The following CALN1 variants were observed in gnomAD, a reference collection of about 807,000 sequenced individuals.
The protein encoded by CALN1 is calcium-binding protein 8.
CALN1 carries 17 observed loss-of-function variants against 30.6 expected under a neutral mutation model. The observed-to-expected ratio is 0.56, with a 90% CI of 0.38 to 0.83. CALN1 has a LOEUF of 0.83. CALN1 is among the 40% of genes least tolerant of loss of function. CALN1 has a pLI of 0.00. For missense variants in CALN1, 291 were observed against 354.9 expected, an observed-to-expected ratio of 0.82 and a Z score of 1.45; for synonymous variants, 156 against 131.4, an observed-to-expected ratio of 1.19 and a Z score of -1.28.
At chr7:72,302,523 A>T (rs1799344385) in intron 2 of CALN1, among the ~76,000 whole-genome samples, 1 of 152,114 alleles carries the variant, frequency 6.6e-6, no homozygotes, top group Non-Finnish European at 1.5e-5. Context: ...GTGGTGGCTC[A>T]GGCCCATCAT....
rs180843351 is a variant in CALN1, at chr7:71,941,926, C to G, written c.501+81731G>C. On this transcript the variant is annotated intron_variant, in intron 5 of 6. Transcript: ENST00000395275. ...ATAAAAAAGTCAACTGGGCTGGGCC[C>G]GGTAGCTCACGCCTGTAATCCCAGC... Among the ~76,000 whole-genome samples, 140 of 152,136 alleles carry G rather than the reference C, an allele frequency of 9.2e-4. 1 individual carries two copies. The highest frequency in any genetic ancestry group is 1.6e-3 in the Admixed American group (25 of 15,280).
chr7:72,441,299 A>G (rs1450140604), intron 1 of CALN1, among the ~76,000 whole-genome samples: 1 of 151,978 alleles, frequency 6.6e-6, no homozygotes, highest in Non-Finnish European at 1.5e-5. Context: ...GAGTAAGTTA[A>G]AAATTGGGAG....
intron 5 of CALN1, among the ~76,000 whole-genome samples, chr7:71,933,619 G>A (rs1425771332): frequency 6.6e-6 from 1 of 152,158 alleles, no homozygotes; most frequent in Non-Finnish European, 1.5e-5. Context: ...TTTTGTGTGG[G>A]CAGGCACTTT....
intron 2 of CALN1, among the ~76,000 whole-genome samples, chr7:72,301,565 G>A (rs980409342): frequency 1.5e-5 from 2 of 136,270 alleles, no homozygotes; most frequent in East Asian, 2.2e-4. Context: ...CTGAGATCAC[G>A]CCACTGTACT....
chr7:71,870,592 C>G (rs1025468906), intron 5 of CALN1, among the ~76,000 whole-genome samples: 1 of 151,914 alleles, frequency 6.6e-6, no homozygotes, highest in African/African-American at 2.4e-5. Context: ...TTTTTCCCTC[C>G]TTCCAAATTT....
chr7:72,402,180 G>A (rs12699137), intron 2 of CALN1, among the ~76,000 whole-genome samples: 11,973 of 152,202 alleles, frequency 0.079, 657 homozygotes, highest in Non-Finnish European at 0.13. Flanking sequence ...GTAGGTAAGC[G>A]TTCTCTTGGC....
chr7:71,782,362 C>T lies in CALN1; in HGVS notation c.*5413G>A, dbSNP rs1792762983. Reference sequence around the variant, plus strand: ...CTCCTGTTCTTGCTGTGTGACGTGCCTGCTCCCCCTTCACCTTCCACCATG... The same window carrying T: ...CTCCTGTTCTTGCTGTGTGACGTGCTTGCTCCCCCTTCACCTTCCACCATG... On this transcript the variant is annotated 3_prime_UTR_variant, in exon 7 of 7. Transcript: ENST00000395275. The T allele has an allele frequency of 6.6e-6, 1 of 152,188 alleles. No individual in the cohort carries two copies. Among genetic ancestry groups the T allele is most frequent in the African/African-American group, 2.4e-5 (1 of 41,440 alleles). The allele number at this position is 152,188 out of a possible 1,614,324, so 9.4% of individuals were successfully genotyped here.
chr7:72,337,334 C>G (rs1388478051), intron 2 of CALN1: 2 of 966,444 alleles, frequency 2.1e-6, no homozygotes, highest in Admixed American at 6.2e-5. Context: ...GCCCCCACCC[C>G]CCAACCTCCG....
chr7:71,885,710 A>T (rs926734671), intron 5 of CALN1, among the ~76,000 whole-genome samples: 1 of 152,228 alleles, frequency 6.6e-6, no homozygotes, highest in Non-Finnish European at 1.5e-5. Flanking sequence ...GTTAGCACAT[A>T]AACTACAAAC....
chr7:72,074,938 G>C (rs1329559005), intron 4 of CALN1, among the ~76,000 whole-genome samples: 1 of 152,168 alleles, frequency 6.6e-6, no homozygotes, highest in Non-Finnish European at 1.5e-5. Context: ...ATAAACAGAA[G>C]TCAAAAACTT....
At chr7:72,258,897 T>TG (rs1554340985) in intron 3 of CALN1, among the ~76,000 whole-genome samples, 32 of 132,712 alleles carry the variant, frequency 2.4e-4, no homozygotes, top group African/African-American at 7.3e-4. Flanking sequence ...TACTAAAAAG[T>TG]AAAAAAAAAA....
intron 2 of CALN1, among the ~76,000 whole-genome samples, chr7:72,365,520 C>G (rs1204365003): frequency 6.6e-6 from 1 of 151,926 alleles, no homozygotes; most frequent in African/African-American, 2.4e-5. Flanking sequence ...GCCTCAACCT[C>G]CTGGGCCCAA....
intron 2 of CALN1, among the ~76,000 whole-genome samples, chr7:72,336,471 C>T (rs913753875): frequency 6.6e-6 from 1 of 151,874 alleles, no homozygotes; most frequent in East Asian, 2.0e-4. Flanking sequence ...CGGCCAGGAG[C>T]CAGCTCCACG....
At chr7:72,383,528 C>T (rs374642853) in intron 2 of CALN1, among the ~76,000 whole-genome samples, 51 of 152,234 alleles carry the variant, frequency 3.4e-4, no homozygotes, top group African/African-American at 1.1e-3. Flanking sequence ...TGTTTGTTGG[C>T]TGCCTGCATG....
chr7:72,361,538 C>T (rs1003695849), intron 2 of CALN1, among the ~76,000 whole-genome samples: 3 of 152,096 alleles, frequency 2.0e-5, no homozygotes, highest in African/African-American at 7.2e-5. Context: ...AAGAATTCAT[C>T]TTTAACTCCA....
At chr7:71,930,170 T>G (rs1052975920) in intron 5 of CALN1, among the ~76,000 whole-genome samples, 1 of 152,176 alleles carries the variant, frequency 6.6e-6, no homozygotes, top group Non-Finnish European at 1.5e-5. Context: ...CCCAGGCTAT[T>G]TTTGACCTAT....
chr7:72,229,851 A>C (rs1793957162), intron 3 of CALN1, among the ~76,000 whole-genome samples: 1 of 151,878 alleles, frequency 6.6e-6, no homozygotes, highest in Non-Finnish European at 1.5e-5. Context: ...CTTAAAACCT[A>C]GATGACAGGG....
intron 3 of CALN1, among the ~76,000 whole-genome samples, chr7:72,204,672 C>T (rs1315795125): frequency 1.3e-5 from 2 of 152,142 alleles, no homozygotes; most frequent in East Asian, 3.8e-4. Flanking sequence ...GGAATCACAA[C>T]AGTACTTAAC....
At position 72,242,925 on chromosome 7, in the gene CALN1, G is replaced by A. The variant is rs1326929562; in HGVS notation, c.244+35761C>T. On this transcript the variant is annotated intron_variant, in intron 3 of 6. Transcript: ENST00000395275. ...AAAATTAAAAAATAAAAATTAACTG[G>A]CTTTTAATTATTGCCAGAAAAATAA... Among the ~76,000 whole-genome samples, 4 of 152,112 alleles carry A rather than the reference G, an allele frequency of 2.6e-5. No homozygotes were observed. The South Asian group carries it at 8.3e-4, about 32-fold the overall frequency.
Sources: gnomAD v4.1 joint callset for allele counts (sites outside exome capture counted in the v4.1 genomes callset) on GRCh38, gnomAD v4.1.1 for gene constraint, MANE v1.5 for transcripts, NCBI Gene and HGNC (gene_info 2026-07-23, HGNC 2026-07-21) for gene names.